Variants in COL19A1 observed in about 807,000 individuals in gnomAD.
COL19A1 encodes collagen type XIX alpha 1 chain, also known as collagen alpha-1(XIX) chain.
COL19A1 carries 159 observed loss-of-function variants against 190.2 expected under a neutral mutation model. The ratio of observed to expected loss-of-function variants is 0.84; its 90% CI spans 0.73 to 0.95. The LOEUF (loss-of-function observed/expected upper bound fraction) is 0.95. COL19A1 is among the 40% of genes least tolerant of loss of function. The pLI is 0.00. For missense variants in COL19A1, 1,418 were observed against 1,431.9 expected, an observed-to-expected ratio of 0.99 and a Z score of 0.16; for synonymous variants, 509 against 458.9, an observed-to-expected ratio of 1.11 and a Z score of -1.39.
At chr6:69,954,719 C>A (rs1029658490) in intron 9 of COL19A1, among the ~76,000 whole-genome samples, 4 of 151,994 alleles carry the variant, frequency 2.6e-5, no homozygotes, top group South Asian at 2.1e-4. Flanking sequence ...TTCTTTTTAT[C>A]CAAACTAGAT....
intron 18 of COL19A1, among the ~76,000 whole-genome samples, chr6:70,134,490 C>T (rs1785716875): frequency 6.6e-6 from 1 of 152,192 alleles, no homozygotes; most frequent in South Asian, 2.1e-4. Flanking sequence ...AAATTAAGAA[C>T]GTGAGTGAAT....
intron 46 of COL19A1, 99 bp downstream of exon 46, chr6:70,185,014 C>T: frequency 8.6e-6 from 10 of 1,158,080 alleles, no homozygotes; most frequent in Non-Finnish European, 1.2e-5. Context: ...CTGCAAATCA[C>T]CAAATCTATA....
At chr6:70,036,268 T>C (rs2150118510) in intron 14 of COL19A1, among the ~76,000 whole-genome samples, 1 of 152,366 alleles carries the variant, frequency 6.6e-6, no homozygotes, top group African/African-American at 2.4e-5. Context: ...GTAAATGGAA[T>C]CAGATACAGT....
At chr6:70,160,705 A>C (rs1158414928) in intron 34 of COL19A1, among the ~76,000 whole-genome samples, 1 of 152,138 alleles carries the variant, frequency 6.6e-6, no homozygotes, top group Non-Finnish European at 1.5e-5. Context: ...CTGTGAAATG[A>C]AGTGATAATC....
At chr6:70,045,088 G>A (rs569056284) in intron 14 of COL19A1, among the ~76,000 whole-genome samples, 14 of 151,990 alleles carry the variant, frequency 9.2e-5, no homozygotes, top group East Asian at 5.8e-4. Context: ...CGAGGTGGGC[G>A]GATCACCTGA....
At chr6:69,929,930 T>C (rs928225446) in intron 6 of COL19A1, among the ~76,000 whole-genome samples, 1 of 152,114 alleles carries the variant, frequency 6.6e-6, no homozygotes, top group East Asian at 1.9e-4. Flanking sequence ...AGCCTGGGAA[T>C]TTAAAATAAT....
chr6:69,881,578 T>G (rs1231279313), intron 2 of COL19A1, among the ~76,000 whole-genome samples: 1 of 152,196 alleles, frequency 6.6e-6, no homozygotes, highest in Non-Finnish European at 1.5e-5. Context: ...TCAGGTTACA[T>G]GATGTATAGG....
chr6:70,153,623 C>T (rs1355398103), intron 31 of COL19A1, among the ~76,000 whole-genome samples: 3 of 152,052 alleles, frequency 2.0e-5, no homozygotes, highest in Non-Finnish European at 4.4e-5. Context: ...ATTGAATAAT[C>T]TATTCTAAAA....
At chr6:69,941,947 C>T (rs1210300833) in intron 9 of COL19A1, among the ~76,000 whole-genome samples, 10 of 152,134 alleles carry the variant, frequency 6.6e-5, no homozygotes, top group Admixed American at 1.3e-4. Context: ...ACCTCAGCCT[C>T]CCAAAGGGCT....
At chr6:69,912,355 A>G (rs1770994249) in intron 4 of COL19A1, among the ~76,000 whole-genome samples, 2 of 152,154 alleles carry the variant, frequency 1.3e-5, no homozygotes, top group African/African-American at 2.4e-5. Flanking sequence ...CAATGCGTAA[A>G]TTGATATTAC....
At position 70,206,921 on chromosome 6, in the gene COL19A1, G is replaced by C; in HGVS notation, c.3244G>C (p.Glu1082Gln). The change falls in exon 50 of 51, where the codon GAA becomes CAA. Residue 1082 changes from glutamate to glutamine, a missense_variant. By Grantham distance (29) the Glu-to-Gln change is conservative. Transcript: ENST00000620364. ...CTTAGGCTACAGAGGACAGAAGGGA[G>C]AAAGAGGTGAACCTGGAATTGGGCT... ...GPQGYRGQKG[E>Q]RGEPGIGLPG... 6.2e-7 allele frequency: 1 copy of C among 1,613,922 alleles called. No homozygotes were observed. The highest frequency in any genetic ancestry group is 8.5e-7 in the Non-Finnish European group (1 of 1,179,880).
intron 12 of COL19A1, among the ~76,000 whole-genome samples, chr6:70,025,064 C>T (rs1319385125): frequency 6.6e-6 from 1 of 151,134 alleles, no homozygotes; most frequent in Non-Finnish European, 1.5e-5. Context: ...TTGCTCTTTC[C>T]CCCAGGCTGG....
chr6:70,124,830 G>A (rs1467404377), intron 17 of COL19A1, among the ~76,000 whole-genome samples: 2 of 152,152 alleles, frequency 1.3e-5, no homozygotes, highest in African/African-American at 2.4e-5. Flanking sequence ...AGATCCATCT[G>A]TGAATTAAGA....
intron 14 of COL19A1, among the ~76,000 whole-genome samples, chr6:70,044,120 T>C (rs924481638): frequency 1.3e-5 from 2 of 152,210 alleles, no homozygotes; most frequent in African/African-American, 4.8e-5. Context: ...TTCTGCTAGC[T>C]TCAAACTTTT....
intron 18 of COL19A1, among the ~76,000 whole-genome samples, chr6:70,132,034 A>G (rs1785555913): frequency 6.6e-6 from 1 of 152,210 alleles, no homozygotes; most frequent in South Asian, 2.1e-4. Flanking sequence ...GATGCAGTAC[A>G]TGATATAAAG....
chr6:70,098,262 A>G (rs1783407502), intron 15 of COL19A1: 1 of 282,058 alleles, frequency 3.5e-6, no homozygotes, highest in East Asian at 8.1e-5. Context: ...TTCTTGGCCT[A>G]ATTATTAATA....
intron 14 of COL19A1, among the ~76,000 whole-genome samples, chr6:70,052,261 A>G (rs974286720): frequency 1.3e-5 from 2 of 152,128 alleles, no homozygotes; most frequent in African/African-American, 4.8e-5. Flanking sequence ...GCCAGAATTA[A>G]GTTTGAATCC....
At position 70,035,991 on chromosome 6, in the gene COL19A1, T is replaced by C. The variant is rs778990922; in HGVS notation, c.1170+52T>C. ...AAATTGAAATCCATTATTCTGTTTA[T>C]TATCCATATTACATCATGACTAAAC... On this transcript the variant is annotated intron_variant, in intron 14 of 50. Coordinates refer to ENST00000620364, the MANE Select transcript of COL19A1 (RefSeq NM_001858.6). The C allele has an allele frequency of 5.2e-6, 8 of 1,525,498 alleles. No homozygotes were observed. The Admixed American group carries it at 6.8e-5, about 13-fold the overall frequency. The allele number at this position is 1,525,498 out of a possible 1,614,324, so 94.5% of individuals were successfully genotyped here. A position where few individuals can be genotyped will look rare whatever the true frequency, so the allele number is the denominator to read the frequency against.
At chr6:69,868,479 A>C (rs1204229542) in intron 1 of COL19A1, among the ~76,000 whole-genome samples, 2 of 152,016 alleles carry the variant, frequency 1.3e-5, no homozygotes, top group Non-Finnish European at 2.9e-5. Context: ...TCTCTAGGGG[A>C]TAGAAAGTGG....
Sources: gnomAD v4.1 joint callset for allele counts (sites outside exome capture counted in the v4.1 genomes callset) on GRCh38, gnomAD v4.1.1 for gene constraint, MANE v1.5 for transcripts, NCBI Gene and HGNC (gene_info 2026-07-23, HGNC 2026-07-21) for gene names.